The following VPS37B variants were observed in gnomAD, a reference collection of about 807,000 sequenced individuals.
VPS37B encodes the protein vacuolar protein sorting-associated protein 37B.
VPS37B carries 11 observed loss-of-function variants against 21.2 expected under a neutral mutation model. The ratio of observed to expected loss-of-function variants is 0.52; its 90% CI spans 0.33 to 0.86. VPS37B has a LOEUF of 0.86. Ranked by LOEUF, VPS37B falls within the 40% of genes least tolerant of loss-of-function variation. VPS37B has a pLI of 0.03. For synonymous variants in VPS37B, 175 were observed against 159.6 expected (o/e 1.10, Z -0.73); for missense variants, 389 against 374.8 (o/e 1.04, Z -0.31).
rs1203464393 is a variant in VPS37B at position 122,890,915 on chromosome 12, A to C, written c.111+5037T>G. ...TCCCTTACAATGCCCTGCACAGGGA[A>C]GTGTTCAAGAGCTGTGGAACTGAAA... On this transcript the variant is annotated intron_variant, in intron 1 of 3. Coordinates refer to ENST00000267202, the MANE Select transcript of VPS37B (RefSeq NM_024667.3). Among the ~76,000 whole-genome samples the C allele has an allele frequency of 3.3e-5, 5 of 152,192 alleles. No individual in the cohort carries two copies. The East Asian group carries it at 9.6e-4, about 29-fold the overall frequency.
rs768813507 is a variant in VPS37B at position 122,896,094 on chromosome 12, C to T, written c.-32G>A. ...GTCTCGGCCGTCGTCGCCACCGCCG[C>T]TGCGGCCACCAGGCTCCGCCGACCG... is the stretch of plus-strand genomic sequence containing the variant. On this transcript the variant is annotated 5_prime_UTR_variant, in exon 1 of 4. Coordinates refer to ENST00000267202, the MANE Select transcript of VPS37B (RefSeq NM_024667.3). 3.2e-6 allele frequency: 5 copies of T among 1,539,762 alleles called. No individual in the cohort carries two copies. The highest frequency in any genetic ancestry group is 2.4e-5 in the South Asian group (2 of 84,976).
intron 1 of VPS37B, chr12:122,877,121 T>A (rs1019480191): frequency 6.6e-6 from 1 of 152,214 alleles, no homozygotes; most frequent in African/African-American, 2.4e-5. Flanking sequence ...AGCAGTTCTT[T>A]TTACCCCCTT....
At chr12:122,879,091 C>G (rs2034207314) in intron 1 of VPS37B, 1 of 152,250 alleles carries the variant, frequency 6.6e-6, no homozygotes, top group Non-Finnish European at 1.5e-5. Context: ...GAAGAGTCCT[C>G]CCCTAGAGCC....
intron 1 of VPS37B, among the ~76,000 whole-genome samples, chr12:122,892,837 G>T (rs745549658): frequency 6.6e-6 from 1 of 152,230 alleles, no homozygotes; most frequent in Non-Finnish European, 1.5e-5. Context: ...GAGGCAGGCA[G>T]ATCACCTGAG....
At chr12:122,885,346 C>CA (rs1427662410) in intron 1 of VPS37B, 1 of 151,268 alleles carries the variant, frequency 6.6e-6, no homozygotes, top group Non-Finnish European at 1.5e-5. Flanking sequence ...TTTATGACAG[C>CA]AAAAAAGTGC....
In VPS37B at chr12:122,867,553, C is replaced by T. The variant is rs375131471; in HGVS notation, c.421G>A (p.Val141Ile). ...GCCAGTTTCCGTTTGCTCTGATAGACATCAATGAAGGAATCCAGAGGAAGT... is the reference window on the plus strand; with the variant it reads ...GCCAGTTTCCGTTTGCTCTGATAGATATCAATGAAGGAATCCAGAGGAAGT... Reference protein sequence around the residue: ...GELPLDSFIDVYQSKRKLAHM... With the variant: ...GELPLDSFIDIYQSKRKLAHM... Residue 141 changes from valine (V) to isoleucine (I), a missense_variant, in exon 4 of 4, where the codon GTC becomes ATC. Val to Ile is a conservative substitution (Grantham distance 29, BLOSUM62 3). Coordinates refer to ENST00000267202, the MANE Select transcript of VPS37B (RefSeq NM_024667.3). The surrounding 1 kb of genome is among the most constrained non-coding windows in gnomAD (Gnocchi z 5.5). The T allele has an allele frequency of 3.2e-5, 51 of 1,613,888 alleles. No individual in the cohort carries two copies. In the African/African-American group the frequency reaches 4.5e-4, roughly 14 times the overall value.
chr12:122,895,145 T>C (rs1410765892), intron 1 of VPS37B, among the ~76,000 whole-genome samples: 2 of 151,970 alleles, frequency 1.3e-5, no homozygotes, highest in Non-Finnish European at 2.9e-5. Flanking sequence ...CCTTCAAACC[T>C]TACCCTGGCT....
Position 122,867,556 on chromosome 12 carries a change from C to A in VPS37B, c.418G>T (p.Asp140Tyr). 1 of 1,614,022 alleles carries A rather than the reference C, an allele frequency of 6.2e-7. No individual in the cohort carries two copies. Residue 140 changes from aspartate (D) to tyrosine (Y), a missense_variant, in exon 4 of 4, where the codon GAT becomes TAT. Asp to Tyr is a radical substitution (Grantham distance 160). Coordinates refer to ENST00000267202, the MANE Select transcript of VPS37B (RefSeq NM_024667.3). This position sits in a 1 kb window ranked among gnomAD's most constrained non-coding sequence, Gnocchi z 5.5. ...DGELPLDSFI[D>Y]VYQSKRKLAH... The stretch of plus-strand genomic sequence containing the variant: ...AGTTTCCGTTTGCTCTGATAGACAT[C>A]AATGAAGGAATCCAGAGGAAGTTCT...
chr12:122,892,023 C>T (rs2034419604), intron 1 of VPS37B, among the ~76,000 whole-genome samples: 2 of 152,236 alleles, frequency 1.3e-5, no homozygotes, highest in South Asian at 2.1e-4. Flanking sequence ...TTCAAGAGGT[C>T]CGGTTTAGTT....
chr12:122,894,919 C>T (rs2034468193), intron 1 of VPS37B, among the ~76,000 whole-genome samples: 1 of 152,138 alleles, frequency 6.6e-6, no homozygotes, highest in African/African-American at 2.4e-5. Flanking sequence ...GCTCCAGGAA[C>T]CTTCCTTAGT....
chr12:122,871,286 A>C, intron 1 of VPS37B: 4 of 1,314,754 alleles, frequency 3.0e-6, no homozygotes, highest in Non-Finnish European at 3.9e-6. Context: ...TCCTTCCAGC[A>C]CGTTTCCAGG....
chr12:122,873,918 G>C (rs1483734218), intron 1 of VPS37B: 5 of 152,192 alleles, frequency 3.3e-5, no homozygotes, highest in African/African-American at 1.2e-4. Context: ...CCCCAAAAAA[G>C]CCAAGATTCA....
At chr12:122,871,697 C>T in intron 1 of VPS37B, 1 of 985,488 alleles carries the variant, frequency 1.0e-6, no homozygotes, top group Non-Finnish European at 1.2e-6. Context: ...ATATTTTGCC[C>T]ATCAGGGATT....
chr12:122,877,260 T>C (rs939718749), intron 1 of VPS37B: 1 of 152,206 alleles, frequency 6.6e-6, no homozygotes, highest in African/African-American at 2.4e-5. Context: ...ATCCAGTGTG[T>C]ACTTGGAATT....
rs1217376311 is a variant in VPS37B, at chr12:122,867,761, G to A, written c.367-154C>T. On this transcript the variant is annotated intron_variant, in intron 3 of 3. Coordinates refer to ENST00000267202, the MANE Select transcript of VPS37B (RefSeq NM_024667.3). This position sits in a 1 kb window ranked among gnomAD's most constrained non-coding sequence, Gnocchi z 5.5. ...GGCCTCGCTCCTGCTCCAGATCCCAGAGGTCATGGGCTCAGGCTTCAGCAT... is the reference window on the plus strand; with the variant it reads ...GGCCTCGCTCCTGCTCCAGATCCCAAAGGTCATGGGCTCAGGCTTCAGCAT... 6.6e-6 allele frequency among the ~76,000 whole-genome samples: 1 copy of A among 152,162 alleles called. No individual in the cohort carries two copies. Among genetic ancestry groups the A allele is most frequent in the Non-Finnish European group, 1.5e-5 (1 of 68,018 alleles).
chr12:122,870,559 A>T (rs944777233), intron 2 of VPS37B: 5 of 193,554 alleles, frequency 2.6e-5, no homozygotes, highest in Middle Eastern at 2.2e-3. Context: ...ACATAGCAAG[A>T]CAACCTCTCT....
chr12:122,869,871 T>A, intron 2 of VPS37B, among the ~76,000 whole-genome samples: 1 of 152,006 alleles, frequency 6.6e-6, no homozygotes, highest in Non-Finnish European at 1.5e-5. Flanking sequence ...GCCTCCCAAG[T>A]AGCTAGGACC....
intron 1 of VPS37B, among the ~76,000 whole-genome samples, chr12:122,891,917 T>C (rs2034417476): frequency 6.6e-6 from 1 of 152,238 alleles, no homozygotes; most frequent in Non-Finnish European, 1.5e-5. Flanking sequence ...GCATGGGCAT[T>C]TTCATGCCAT....
intron 1 of VPS37B, chr12:122,876,517 C>T (rs1230067349): frequency 6.6e-6 from 1 of 152,050 alleles, no homozygotes; most frequent in Non-Finnish European, 1.5e-5. Flanking sequence ...CGAGACCAGC[C>T]TAGCCAAAAT....
Sources: gnomAD v4.1 joint callset for allele counts (sites outside exome capture counted in the v4.1 genomes callset) on GRCh38, gnomAD v4.1.1 for gene constraint, Gnocchi (gnomAD v3.1) non-coding constraint, MANE v1.5 for transcripts, NCBI Gene and HGNC (gene_info 2026-07-23, HGNC 2026-07-21) for gene names.